The following SSPN variants were observed in gnomAD, a reference collection of about 807,000 sequenced individuals.
The protein encoded by SSPN is K-ras oncogene-associated protein.
SSPN carries 15 observed loss-of-function variants against 19.1 expected under a neutral mutation model. The ratio of observed to expected loss-of-function variants is 0.78; its 90% CI spans 0.52 to 1.21. SSPN has a LOEUF of 1.21. Ranked by LOEUF, SSPN falls within the 50% of genes most tolerant of loss-of-function variation. SSPN has a pLI of 0.00. For synonymous variants in SSPN, 147 were observed against 140.3 expected, an observed-to-expected ratio of 1.05 and a Z score of -0.34; for missense variants, 291 against 314.0, an observed-to-expected ratio of 0.93 and a Z score of 0.55.
rs1037496162 is a variant in SSPN, at chr12:26,219,480, AC to A, written c.280-4812del. Among the ~76,000 whole-genome samples, 5 of 1,042 alleles carry A rather than the reference AC, an allele frequency of 4.8e-3. No individual in the cohort carries two copies. In the Non-Finnish European group the frequency reaches 0.077, roughly 16 times the overall value. The allele number at this position is 1,042 out of a possible 152,430, so 0.7% of individuals were successfully genotyped here. On this transcript the variant is annotated intron_variant, in intron 1 of 2. Coordinates refer to ENST00000242729, the MANE Select transcript of SSPN (RefSeq NM_005086.5). Reference sequence around the variant, plus strand: ...GACAAGACTCAGGACTCGCACATCCACAAAAAATGGATTTAACATTCAGAGA... The same window carrying A: ...GACAAGACTCAGGACTCGCACATCCAAAAAAATGGATTTAACATTCAGAGA...
At chr12:26,197,350 T>C (rs549452755) in intron 1 of SSPN, among the ~76,000 whole-genome samples, 27 of 152,364 alleles carry the variant, frequency 1.8e-4, no homozygotes, top group African/African-American at 6.0e-4. Flanking sequence ...GAAATTACCA[T>C]GATTGGAGTT....
chr12:26,143,872 C>G (rs1405767343), intron 1 of SSPN, among the ~76,000 whole-genome samples: 1 of 152,080 alleles, frequency 6.6e-6, no homozygotes, highest in Non-Finnish European at 1.5e-5. Context: ...CAGGGGAGTG[C>G]AAAACCCTAT....
upstream of SSPN, chr12:26,195,209 A>G (rs555484826): frequency 1.3e-5 from 2 of 155,040 alleles, no homozygotes; most frequent in South Asian, 4.1e-4. Flanking sequence ...AGCAGTGCCT[A>G]TTTTGGATTA....
chr12:26,124,426 G>C (rs2137389853), intron 1 of SSPN: 1 of 1,383,344 alleles, frequency 7.2e-7, no homozygotes, highest in Non-Finnish European at 1.0e-6. Flanking sequence ...TCAGGGGCTG[G>C]AATATATTTG....
At chr12:26,210,006 T>C (rs963278918) in intron 1 of SSPN, among the ~76,000 whole-genome samples, 2 of 152,130 alleles carry the variant, frequency 1.3e-5, no homozygotes, top group African/African-American at 4.8e-5. Flanking sequence ...GTCCCAGTGA[T>C]GTTACAGGCC....
At chr12:26,127,788 A>C (rs1348173269) in intron 1 of SSPN, among the ~76,000 whole-genome samples, 2 of 151,600 alleles carry the variant, frequency 1.3e-5, no homozygotes, top group Non-Finnish European at 2.9e-5. Flanking sequence ...TTGGTTACCC[A>C]CTTCCCTTAA....
chr12:26,209,887 T>C (rs1431022358), intron 1 of SSPN, among the ~76,000 whole-genome samples: 2 of 151,856 alleles, frequency 1.3e-5, no homozygotes, highest in East Asian at 3.9e-4. Context: ...TCTTCAAGTG[T>C]TTGCTAATTT....
At chr12:26,162,762 A>G (rs1232382250) in intron 1 of SSPN, among the ~76,000 whole-genome samples, 1 of 152,254 alleles carries the variant, frequency 6.6e-6, no homozygotes, top group African/African-American at 2.4e-5. Flanking sequence ...AAACCATAAT[A>G]TAACTTGGTT....
chr12:26,184,081 T>C (rs892077682), intron 1 of SSPN, among the ~76,000 whole-genome samples: 6 of 152,152 alleles, frequency 3.9e-5, no homozygotes, highest in African/African-American at 1.4e-4. Context: ...GAGGGTATGC[T>C]GGAATCCAAT....
chr12:26,230,558 C>T (rs559203332), intron 2 of SSPN, among the ~76,000 whole-genome samples, 153 bp from the exon 3 acceptor site: 35 of 152,318 alleles, frequency 2.3e-4, no homozygotes, highest in African/African-American at 7.9e-4. Context: ...GAGCTATTTC[C>T]ATGTCTTGGG....
chr12:26,179,295 A>T (rs1203997608), intron 1 of SSPN, among the ~76,000 whole-genome samples: 3 of 152,100 alleles, frequency 2.0e-5, no homozygotes, highest in African/African-American at 7.2e-5. Flanking sequence ...GTGAGGGCGG[A>T]GGGGCCAGCA....
intron 1 of SSPN, among the ~76,000 whole-genome samples, chr12:26,137,451 C>T (rs148764721): frequency 2.0e-5 from 3 of 151,742 alleles, no homozygotes; most frequent in African/African-American, 7.3e-5. Context: ...TACCTGTTTG[C>T]CTAGTTGGGA....
chr12:26,210,522 C>T (rs1422225912), intron 1 of SSPN, among the ~76,000 whole-genome samples: 1 of 152,052 alleles, frequency 6.6e-6, no homozygotes, highest in Non-Finnish European at 1.5e-5. Flanking sequence ...GTCTCTCTCT[C>T]TCTGTCTCTG....
rs1014015793 is a variant in SSPN, at chr12:26,146,497, T to C, written c.-31+24345T>C. Among the ~76,000 whole-genome samples the C allele has an allele frequency of 3.3e-5, 5 of 152,288 alleles. No homozygotes were observed. The South Asian group carries it at 1.0e-3, about 32-fold the overall frequency. On this transcript the variant is annotated intron_variant, in intron 1 of 2. Transcript: ENST00000538142. Reference sequence around the variant, plus strand: ...TCAAAATACAGATTCACCTAAACTTTAGCATTAGTAGGAACAATACCATCT... The same window carrying C: ...TCAAAATACAGATTCACCTAAACTTCAGCATTAGTAGGAACAATACCATCT...
At chr12:26,166,341 A>G (rs1429377280) in intron 1 of SSPN, among the ~76,000 whole-genome samples, 1 of 152,256 alleles carries the variant, frequency 6.6e-6, no homozygotes, top group Non-Finnish European at 1.5e-5. Flanking sequence ...ATAGTCCCTT[A>G]ATAATTATGT....
rs966714954 is a variant in SSPN, at chr12:26,231,710, G to A, written c.*634G>A. The A allele has an allele frequency of 2.2e-5, 4 of 182,604 alleles. No individual in the cohort carries two copies. The highest frequency in any genetic ancestry group is 5.2e-3 in the Middle Eastern group (2 of 388). The allele number at this position is 182,604 out of a possible 1,614,324, so 11.3% of individuals were successfully genotyped here. A position where few individuals can be genotyped will look rare whatever the true frequency, so the allele number is the denominator to read the frequency against. On this transcript the variant is annotated 3_prime_UTR_variant, in exon 3 of 3. Transcript: ENST00000242729. ...TCTTCAGCTCCCTTAGCTTGGCTCC[G>A]TAAGTGGATCACTTGCCAAATGCTT...
At chr12:26,201,047 T>TATATATATATAAA (rs1944879750) in intron 1 of SSPN, among the ~76,000 whole-genome samples, 10 of 50,990 alleles carry the variant, frequency 2.0e-4, no homozygotes, top group Non-Finnish European at 3.0e-4. Flanking sequence ...ATATATATAT[T>TATATATATATAAA]ATATATATAT....
intron 1 of SSPN, among the ~76,000 whole-genome samples, chr12:26,170,031 C>T (rs1391188878): frequency 6.6e-6 from 1 of 152,052 alleles, no homozygotes; most frequent in African/African-American, 2.4e-5. Context: ...CTTCTGAGCA[C>T]CAAGGATTCA....
intron 1 of SSPN, among the ~76,000 whole-genome samples, chr12:26,165,157 A>G (rs1056550237): frequency 6.6e-6 from 1 of 152,248 alleles, no homozygotes; most frequent in African/African-American, 2.4e-5. Context: ...AACAGGAAGT[A>G]TACCTTTTTC....
Sources: allele counts gnomAD v4.1 joint callset (sites outside exome capture counted in the v4.1 genomes callset), GRCh38; gene constraint gnomAD v4.1.1; transcripts MANE v1.5; gene names NCBI Gene and HGNC (gene_info 2026-07-23, HGNC 2026-07-21).